GARNL3: variants seen among roughly 807,000 people sequenced by gnomAD.
GARNL3 encodes GTPase activating Rap/RanGAP domain like 3, also known as GTPase-activating Rap/Ran-GAP domain-like protein 3.
Under a neutral mutation model 125.0 loss-of-function variants are expected in GARNL3, and 63 were observed. That is an observed-to-expected ratio of 0.50 (90% confidence interval 0.41 to 0.62). The LOEUF is 0.62. Ranked by LOEUF, GARNL3 falls within the 20% of genes least tolerant of loss-of-function variation. GARNL3 has a pLI of 0.00. For missense variants in GARNL3, 994 were observed against 1,244.0 expected, an observed-to-expected ratio of 0.80 and a Z score of 3.02; for synonymous variants, 439 against 457.5, an observed-to-expected ratio of 0.96 and a Z score of 0.52.
chr9:127,339,541 G>A, intron 12 of GARNL3, 104 bp from the exon 13 acceptor site: 1 of 786,004 alleles, frequency 1.3e-6, no homozygotes. Context: ...CCCACCCATG[G>A]CATGTGGGAA....
rs766111068 is a variant in GARNL3, at chr9:127,339,701, C to T, written c.1085C>T (p.Pro362Leu). ...VPLFGPPLPT[P>L]PVFTDHQEFR... ...CTCTTTGGCCCTCCCTTGCCAACTC[C>T]ACCAGTGTTTACAGACCACCAGGAA... Residue 362 changes from proline (P) to leucine (L), a missense_variant, in exon 13 of 28, where the codon CCA (proline) becomes CTA (leucine). Transcript: ENST00000373387. The T allele has an allele frequency of 6.2e-7, 1 of 1,613,920 alleles. No homozygotes were observed. The highest frequency in any genetic ancestry group is 8.5e-7 in the Non-Finnish European group (1 of 1,179,768).
At chr9:127,347,623 C>G (rs972684752) in intron 16 of GARNL3, among the ~76,000 whole-genome samples, 3 of 152,104 alleles carry the variant, frequency 2.0e-5, no homozygotes, top group African/African-American at 7.2e-5. Context: ...ACTGGTTGTT[C>G]TGTTGGTGTT....
intron 1 of GARNL3, among the ~76,000 whole-genome samples, chr9:127,229,980 G>A (rs769042042): frequency 1.3e-5 from 2 of 152,226 alleles, no homozygotes; most frequent in Admixed American, 6.5e-5. Context: ...ATGTAAAGGC[G>A]AAGGGAATAG....
chr9:127,369,690 C>T (rs964347013), intron 22 of GARNL3, among the ~76,000 whole-genome samples: 3 of 152,054 alleles, frequency 2.0e-5, no homozygotes, highest in Non-Finnish European at 4.4e-5. Context: ...GGTTGTGAGG[C>T]GGTGGGAGAA....
At chr9:127,276,350 C>T (rs908104307) in intron 1 of GARNL3, among the ~76,000 whole-genome samples, 1 of 152,012 alleles carries the variant, frequency 6.6e-6, no homozygotes, top group Non-Finnish European at 1.5e-5. Context: ...ATCAGCTTTT[C>T]CTCTTGCCTC....
intron 2 of GARNL3, among the ~76,000 whole-genome samples, chr9:127,294,309 C>T (rs555161209): frequency 6.6e-6 from 1 of 151,912 alleles, no homozygotes; most frequent in Non-Finnish European, 1.5e-5. Flanking sequence ...TTTTTCCCAC[C>T]CCTCCCCCCG....
In GARNL3 at chr9:127,393,182, C is replaced by T. The variant is rs763655128; in HGVS notation, c.2970C>T (p.Gly990=). Residue 990 remains glycine (G), a synonymous_variant, in exon 28 of 28, where the codon GGC becomes GGT. Transcript: ENST00000373387. ...SDQDPVADRE[G]SPVSGSSPFQ... is the part of the protein sequence containing the mutation. ...AGGACCCTGTGGCAGACAGAGAGGGCAGCCCGGTCTCCGGCAGCAGCCCCT... is the reference window on the plus strand; with the variant it reads ...AGGACCCTGTGGCAGACAGAGAGGGTAGCCCGGTCTCCGGCAGCAGCCCCT... 1.9e-6 allele frequency: 3 copies of T among 1,613,838 alleles called. No individual in the cohort carries two copies. In the South Asian group the frequency reaches 3.3e-5, roughly 18 times the overall value.
intron 8 of GARNL3, 34 bp from the exon 9 acceptor site, chr9:127,332,989 C>T: frequency 7.0e-7 from 1 of 1,421,504 alleles, no homozygotes; most frequent in Non-Finnish European, 1.0e-6. Flanking sequence ...TTGTTGATGC[C>T]CATACTTTCC....
chr9:127,271,818 C>G lies in GARNL3; in HGVS notation c.144+6797C>G, dbSNP rs117933986. 9.7e-4 allele frequency among the ~76,000 whole-genome samples: 146 copies of G among 150,404 alleles called. 2 individuals carry two copies. In the East Asian group the frequency reaches 0.028, roughly 28 times the overall value. ...ATACTTCTGGGTAAGTAATGATCTA[C>G]TGGTGATTTCAAGTCAGGATAAAAC... is the stretch of plus-strand genomic sequence containing the variant. On this transcript the variant is annotated intron_variant, in intron 1 of 27. Transcript: ENST00000373387.
intron 4 of GARNL3, 103 bp downstream of exon 4, chr9:127,313,662 A>G: frequency 2.5e-6 from 2 of 816,284 alleles, no homozygotes; most frequent in Middle Eastern, 2.2e-4. Context: ...GGCATGCCTC[A>G]TAGTCTTCTC....
At chr9:127,299,657 G>A (rs903664533) in intron 2 of GARNL3, among the ~76,000 whole-genome samples, 3 of 151,858 alleles carry the variant, frequency 2.0e-5, no homozygotes, top group Admixed American at 6.6e-5. Context: ...TGCAAGCTCC[G>A]CCTCCCGGGT....
intron 1 of GARNL3, among the ~76,000 whole-genome samples, chr9:127,289,297 AG>A (rs1361934070): frequency 3.3e-5 from 5 of 152,210 alleles, no homozygotes; most frequent in African/African-American, 1.2e-4. Context: ...CAGGTTTGAT[AG>A]TTTGCTAGAA....
chr9:127,386,984 G>A (rs546174766), intron 24 of GARNL3: 45 of 444,372 alleles, frequency 1.0e-4, no homozygotes, highest in African/African-American at 7.1e-4. Context: ...GAAAAGTGGC[G>A]GGGAGTGGAA....
upstream of GARNL3, chr9:127,264,722 C>T (rs1224410465): frequency 3.3e-5 from 41 of 1,249,632 alleles, no homozygotes; most frequent in African/African-American, 1.5e-5. Context: ...ATTGCCTATA[C>T]TTCCAGGGAT....
At chr9:127,314,439 C>T (rs1040579852) in intron 4 of GARNL3, among the ~76,000 whole-genome samples, 4 of 152,174 alleles carry the variant, frequency 2.6e-5, no homozygotes, top group African/African-American at 9.7e-5. Flanking sequence ...TACAGCATCC[C>T]ACAATGCCTT....
rs547869747 is a variant in GARNL3 at position 127,392,566 on chromosome 9, G to C, written c.2871-517G>C. Among the ~76,000 whole-genome samples, 1 of 152,380 alleles carries C rather than the reference G, an allele frequency of 6.6e-6. No homozygotes were observed. Among genetic ancestry groups the C allele is most frequent in the East Asian group, 1.9e-4 (1 of 5,190 alleles). The stretch of plus-strand genomic sequence containing the variant: ...TGTGTGAGGCCGAGAGTGGGCAGCA[G>C]CTGAGCCAGGTGGGCTTTTGCAGGC... On this transcript the variant is annotated intron_variant, in intron 27 of 27. Transcript: ENST00000373387. The surrounding 1 kb of genome is among the most constrained non-coding windows in gnomAD (Gnocchi z 5.2).
At chr9:127,386,758 C>G (rs981285387) in intron 24 of GARNL3, among the ~76,000 whole-genome samples, 1 of 152,272 alleles carries the variant, frequency 6.6e-6, no homozygotes, top group Admixed American at 6.5e-5. Context: ...AGCGCCAGCG[C>G]ATCACGGGTG....
rs541165936 is a variant in GARNL3, at chr9:127,278,028, C to G, written c.144+13007C>G. ...AGAAGATGAGTTTTGCCAAAAATCT[C>G]TCTAATAAATTCTTTTTTCTTAAAT... On this transcript the variant is annotated intron_variant, in intron 1 of 27. Coordinates refer to ENST00000373387, the MANE Select transcript of GARNL3 (RefSeq NM_032293.5). Among the ~76,000 whole-genome samples the G allele has an allele frequency of 2.0e-5, 3 of 152,246 alleles. No individual in the cohort carries two copies. In the East Asian group the frequency reaches 5.8e-4, roughly 29 times the overall value.
chr9:127,391,979 T>C (rs1588992588), intron 27 of GARNL3, among the ~76,000 whole-genome samples: 1 of 152,132 alleles, frequency 6.6e-6, no homozygotes, highest in African/African-American at 2.4e-5. Flanking sequence ...TAGGACTTAG[T>C]TGGGTATTAA....
Sources: allele counts gnomAD v4.1 joint callset (sites outside exome capture counted in the v4.1 genomes callset), GRCh38; gene constraint gnomAD v4.1.1; non-coding constraint Gnocchi (gnomAD v3.1); transcripts MANE v1.5; gene names NCBI Gene and HGNC (gene_info 2026-07-23, HGNC 2026-07-21).